Variants in MBP observed in about 807,000 individuals in gnomAD.
The protein encoded by MBP is myelin basic protein, also known as Golli-MBP.
Under a neutral mutation model 35.8 loss-of-function variants are expected in MBP, and 16 were observed. That is an observed-to-expected ratio of 0.45 (90% CI 0.30 to 0.68). MBP has a LOEUF of 0.68. Among genes scored for constraint, MBP ranks in the 30% least tolerant of loss-of-function variants. The pLI is 0.08. For synonymous variants in MBP, 143 were observed against 159.6 expected, an observed-to-expected ratio of 0.90 and a Z score of 0.78; for missense variants, 380 against 404.7, an observed-to-expected ratio of 0.94 and a Z score of 0.52.
chr18:77,085,683 G>GTTTT (rs10645727), intron 2 of MBP, among the ~76,000 whole-genome samples: 5,221 of 124,160 alleles, frequency 0.042, 260 homozygotes, highest in Non-Finnish European at 0.058. Flanking sequence ...AGTGCAATAA[G>GTTTT]TTTTTTTTTT....
chr18:77,014,591 A>G, intron 4 of MBP: 1 of 985,442 alleles, frequency 1.0e-6, no homozygotes, highest in East Asian at 1.1e-4. Flanking sequence ...AAACAAAACC[A>G]AAAATTCCTC....
intron 3 of MBP, among the ~76,000 whole-genome samples, chr18:77,022,474 A>T (rs1459360137): frequency 6.6e-6 from 1 of 152,234 alleles, no homozygotes; most frequent in East Asian, 1.9e-4. Flanking sequence ...TATTAAGTAC[A>T]TCATTGCACT....
intron 3 of MBP, among the ~76,000 whole-genome samples, chr18:77,043,155 T>G (rs1445068703): frequency 6.6e-6 from 1 of 152,220 alleles, no homozygotes; most frequent in Non-Finnish European, 1.5e-5. Flanking sequence ...ACTGAAATAT[T>G]TCCCATCTAT....
intron 1 of MBP, among the ~76,000 whole-genome samples, chr18:77,125,514 G>A (rs1977019380): frequency 3.9e-5 from 6 of 151,958 alleles, no homozygotes; most frequent in Admixed American, 2.0e-4. Flanking sequence ...GCTTCTATAT[G>A]TCATATAATC....
rs59961087 is a variant in MBP, at chr18:77,044,054, C to T, written c.139+22244G>A. 0.086 allele frequency among the ~76,000 whole-genome samples: 13,021 copies of T among 151,590 alleles called. 901 individuals carry two copies. Among genetic ancestry groups the T allele is most frequent in the East Asian group, 0.23 (1,183 of 5,124 alleles). On this transcript the variant is annotated intron_variant, in intron 3 of 8. Transcript: ENST00000355994. This position sits in a 1 kb window ranked among gnomAD's most constrained non-coding sequence, Gnocchi z 4.4. ...CTCTGCCTCCTCCCTGGAGGCCGTGCAAATCCTGTTCTCCTTCCAGCGGTG... is the reference window on the plus strand; with the variant it reads ...CTCTGCCTCCTCCCTGGAGGCCGTGTAAATCCTGTTCTCCTTCCAGCGGTG...
chr18:77,040,572 C>T (rs1972952023), intron 3 of MBP, among the ~76,000 whole-genome samples: 1 of 152,158 alleles, frequency 6.6e-6, no homozygotes, highest in African/African-American at 2.4e-5. Flanking sequence ...GGTACTGGTA[C>T]CACAACAGAT....
rs992150998 is a variant in MBP at position 77,051,790 on chromosome 18, G to A, written c.139+14508C>T. 2.6e-5 allele frequency among the ~76,000 whole-genome samples: 4 copies of A among 152,220 alleles called. No homozygotes were observed. In the East Asian group the frequency reaches 7.7e-4, roughly 29 times the overall value. ...GGTTCAGTTTGATGCGTGAAGACCA[G>A]GGGTAGGAGCGTGAGTGGGGGTGCA... On this transcript the variant is annotated intron_variant, in intron 3 of 8. Coordinates refer to ENST00000355994, the MANE Select transcript of MBP (RefSeq NM_001025101.2).
chr18:77,122,077 A>T (rs1339172664), intron 1 of MBP, among the ~76,000 whole-genome samples: 1 of 152,224 alleles, frequency 6.6e-6, no homozygotes, highest in Non-Finnish European at 1.5e-5. Context: ...TGACTTCTGG[A>T]AAGTATAGGC....
chr18:77,057,708 CA>C (rs957402677), intron 3 of MBP, among the ~76,000 whole-genome samples: 1 of 151,914 alleles, frequency 6.6e-6, no homozygotes, highest in African/African-American at 2.4e-5. Flanking sequence ...AATAGCATCT[CA>C]AAAAATGATT....
Position 77,017,195 on chromosome 18 carries a change from C to A in MBP, c.213G>T (p.Ala71=), listed in dbSNP as rs769001269. 1.3e-6 allele frequency: 2 copies of A among 1,534,398 alleles called. No homozygotes were observed. Residue 71 remains alanine (A), a synonymous_variant, in exon 4 of 9, where the codon GCG becomes GCT. Transcript: ENST00000355994. ...CATCCTGCCAGGCATTCTTCGGGTC[C>A]GCTGTGCGCTTGGAGTCAGTCACCG... The part of the protein sequence containing the change: ...DTAVTDSKRT[A]DPKNAWQDAH...
At chr18:77,028,954 C>CCCCA (rs1434429625) in intron 3 of MBP, among the ~76,000 whole-genome samples, 6 of 71,890 alleles carry the variant, frequency 8.3e-5, no homozygotes, top group Non-Finnish European at 2.1e-4. Context: ...CAGAGGGGCT[C>CCCCA]CATCCCAGAC....
intron 2 of MBP, chr18:77,087,438 C>G (rs539367684): frequency 6.8e-6 from 1 of 146,098 alleles, no homozygotes; most frequent in Non-Finnish European, 1.5e-5. Context: ...GCAGCAGCCC[C>G]GCTCTGAGCA....
chr18:77,099,061 G>A (rs574651783), intron 2 of MBP, among the ~76,000 whole-genome samples: 1 of 152,198 alleles, frequency 6.6e-6, no homozygotes, highest in South Asian at 2.1e-4. Context: ...TCATACAAGG[G>A]GAGGGGGAGT....
chr18:76,980,817 C>T, intron 8 of MBP: 1 of 244,908 alleles, frequency 4.1e-6, no homozygotes, highest in African/African-American at 2.2e-5. Context: ...TTTTTCTCGT[C>T]AGCTAGAGGT....
At chr18:77,112,488 A>G (rs1192998538) in intron 1 of MBP, 1 of 152,154 alleles carries the variant, frequency 6.6e-6, no homozygotes, top group African/African-American at 2.4e-5. Context: ...TTTTTCCAAC[A>G]TCGGTGCAAA....
intron 2 of MBP, among the ~76,000 whole-genome samples, chr18:77,079,069 C>T (rs1037365795): frequency 3.3e-5 from 5 of 152,244 alleles, no homozygotes; most frequent in African/African-American, 1.2e-4. Flanking sequence ...CCAGCCCTGA[C>T]AAACGACCAA....
intron 1 of MBP, among the ~76,000 whole-genome samples, chr18:77,106,463 A>G (rs1237698014): frequency 6.6e-6 from 1 of 151,838 alleles, no homozygotes; most frequent in Non-Finnish European, 1.5e-5. Flanking sequence ...CACAGTCGCC[A>G]CTCCCGGAGT....
In MBP at chr18:77,131,093, ACACACACACACACACACACACACACACC is replaced by A. The variant is rs1977249395; in HGVS notation, c.-26+1459_-26+1486del. On this transcript the variant is annotated intron_variant, in intron 1 of 8. Transcript: ENST00000355994. The surrounding 1 kb of genome is among the most constrained non-coding windows in gnomAD (Gnocchi z 5.5). ...CACGCGCGCACGCACGCGCACACAC[ACACACACACACACACACACACACACACC>A]CCCTCTGCCGCGGTACCCTTCCCCT... Among the ~76,000 whole-genome samples the A allele has an allele frequency of 1.7e-5, 1 of 57,750 alleles. No individual in the cohort carries two copies. The highest frequency in any genetic ancestry group is 6.8e-5 in the Non-Finnish European group (1 of 14,604). The allele number at this position is 57,750 out of a possible 152,430, so 37.9% of individuals were successfully genotyped here.
chr18:77,050,033 C>G (rs1043203832), intron 3 of MBP, among the ~76,000 whole-genome samples: 1 of 152,326 alleles, frequency 6.6e-6, no homozygotes, highest in East Asian at 1.9e-4. Flanking sequence ...ACTATGGAAA[C>G]AAGTGCTATT....
Sources: gnomAD v4.1 joint callset for allele counts (sites outside exome capture counted in the v4.1 genomes callset) on GRCh38, gnomAD v4.1.1 for gene constraint, Gnocchi (gnomAD v3.1) non-coding constraint, MANE v1.5 for transcripts, NCBI Gene and HGNC (gene_info 2026-07-23, HGNC 2026-07-21) for gene names.